The following HIVEP1 variants were observed in gnomAD, a reference collection of about 807,000 sequenced individuals.
HIVEP1 encodes the protein zinc finger protein 40.
A neutral mutation model predicts 180.0 loss-of-function variants in HIVEP1; 36 were observed. The ratio of observed to expected loss-of-function variants is 0.20; its 90% CI spans 0.15 to 0.26. HIVEP1 has a LOEUF of 0.26. Ranked by LOEUF, HIVEP1 falls within the 10% of genes least tolerant of loss-of-function variation. The pLI, the probability that HIVEP1 is intolerant of heterozygous loss-of-function variation, is 1.00. For synonymous variants in HIVEP1, 1,239 were observed against 1,239.0 expected (o/e 1.00, Z 0.00); for missense variants, 3,143 against 3,268.7 (o/e 0.96, Z 0.94).
At chr6:12,126,256 G>A (rs943721933) in intron 4 of HIVEP1, among the ~76,000 whole-genome samples, 4 of 152,172 alleles carry the variant, frequency 2.6e-5, no homozygotes, top group African/African-American at 9.6e-5. Flanking sequence ...TCCTCATGCA[G>A]GGAAACAGGT....
chr6:12,131,437 T>C (rs1284963290), intron 6 of HIVEP1, among the ~76,000 whole-genome samples: 1 of 151,806 alleles, frequency 6.6e-6, no homozygotes, highest in Admixed American at 6.6e-5. Context: ...TGCTTTTTTT[T>C]ACATAAATAC....
chr6:12,108,245 C>T (rs1338640250), intron 3 of HIVEP1, among the ~76,000 whole-genome samples: 5 of 152,156 alleles, frequency 3.3e-5, no homozygotes, highest in African/African-American at 9.7e-5. Flanking sequence ...TACAGAGTGC[C>T]GATTGGTGTA....
intron 1 of HIVEP1, among the ~76,000 whole-genome samples, chr6:12,015,226 C>G (rs964303280): frequency 1.3e-5 from 2 of 152,210 alleles, no homozygotes; most frequent in African/African-American, 4.8e-5. Flanking sequence ...TAACATAATC[C>G]TTTTGTAGCC....
intron 2 of HIVEP1, among the ~76,000 whole-genome samples, chr6:12,024,249 ATTT>A (rs201215779): frequency 3.8e-4 from 51 of 134,892 alleles, no homozygotes; most frequent in Admixed American, 5.9e-4. Flanking sequence ...ATTGATTTTG[ATTT>A]TTTTTTTTTT....
At chr6:12,020,231 C>T in intron 2 of HIVEP1, 1 of 448,510 alleles carries the variant, frequency 2.2e-6, no homozygotes, top group Non-Finnish European at 4.7e-6. Flanking sequence ...TTCTCCATGC[C>T]TGTTTCCCAT....
intron 2 of HIVEP1, among the ~76,000 whole-genome samples, chr6:12,052,712 G>C (rs9366954): frequency 0.092 from 13,982 of 152,256 alleles, 710 homozygotes; most frequent in Middle Eastern, 0.31. Flanking sequence ...TTGAGCCTCA[G>C]TTTTGTCTGA....
downstream of HIVEP1, among the ~76,000 whole-genome samples, chr6:12,168,183 TAG>T (rs1562024639): frequency 1.5e-3 from 83 of 53,780 alleles, 8 homozygotes; most frequent in Non-Finnish European, 2.4e-3. Flanking sequence ...ATATTATATA[TAG>T]ATATACGTGT....
chr6:12,189,065 C>G, the HIVEP1 span, among the ~76,000 whole-genome samples: 1 of 152,022 alleles, frequency 6.6e-6, no homozygotes, highest in Non-Finnish European at 1.5e-5. Context: ...ATTTGAATTT[C>G]ACATCACTAG....
chr6:12,156,992 C>T (rs957195178), intron 7 of HIVEP1, among the ~76,000 whole-genome samples: 13 of 151,962 alleles, frequency 8.6e-5, no homozygotes, highest in African/African-American at 2.4e-4. Flanking sequence ...TCCTTTATTT[C>T]GAAGCTCTAT....
chr6:12,039,606 G>A (rs1014060999), intron 2 of HIVEP1, among the ~76,000 whole-genome samples: 41 of 152,182 alleles, frequency 2.7e-4, no homozygotes, highest in African/African-American at 9.4e-4. Flanking sequence ...TGGTTTGTGT[G>A]TAGGAGGTTA....
Position 12,124,095 on chromosome 6 carries a change from T to C in HIVEP1, c.4300T>C (p.Ser1434Pro). Residue 1434 changes from serine to proline, a missense_variant, in exon 4 of 9, where the codon TCT becomes CCT. Ser to Pro is a moderately conservative substitution (Grantham distance 74). This residue lies in a region of HIVEP1 where 1,357 missense variants were observed against 1,260.5 expected (regional missense o/e 1.08). Transcript: ENST00000379388. ...RRRGPLVRQI[S>P]LNIAPDSHLS... ...GAGAGGCCCACTGGTACGGCAAATA[T>C]CTTTAAACATAGCCCCAGATAGTCA... 1 of 1,614,080 alleles carries C rather than the reference T, an allele frequency of 6.2e-7. No individual in the cohort carries two copies.
the HIVEP1 span, among the ~76,000 whole-genome samples, chr6:12,211,469 AT>A: frequency 1.1e-4 from 4 of 36,456 alleles, no homozygotes; most frequent in South Asian, 0.013. Context: ...TCCATCATAT[AT>A]ATATGTATAT....
At chr6:12,105,555 G>A (rs1178474234) in intron 3 of HIVEP1, among the ~76,000 whole-genome samples, 1 of 152,062 alleles carries the variant, frequency 6.6e-6, no homozygotes, top group African/African-American at 2.4e-5. Context: ...CCTGAGAGGA[G>A]GATCATCTGA....
intron 3 of HIVEP1, 87 bp from the exon 4 acceptor site, chr6:12,119,803 T>C: frequency 6.0e-6 from 5 of 832,234 alleles, no homozygotes; most frequent in Non-Finnish European, 9.4e-6. Context: ...ATAATGTCCT[T>C]ATGATAGTAA....
intron 7 of HIVEP1, among the ~76,000 whole-genome samples, chr6:12,141,605 G>GTATTCA (rs1198526609): frequency 7.0e-6 from 1 of 143,606 alleles, no homozygotes; most frequent in Non-Finnish European, 1.5e-5. Flanking sequence ...TCAGTGTGCT[G>GTATTCA]TATTCAGGAG....
chr6:12,108,342 C>A (rs1468839977), intron 3 of HIVEP1, among the ~76,000 whole-genome samples: 1 of 152,254 alleles, frequency 6.6e-6, no homozygotes, highest in Admixed American at 6.5e-5. Flanking sequence ...AGATCCTGCA[C>A]CAGGACTGCA....
chr6:12,078,262 A>G (rs1278448380), intron 2 of HIVEP1, among the ~76,000 whole-genome samples: 1 of 152,160 alleles, frequency 6.6e-6, no homozygotes, highest in Non-Finnish European at 1.5e-5. Context: ...GTCTGAAAGA[A>G]TAGTCTCGGT....
the HIVEP1 span, among the ~76,000 whole-genome samples, chr6:12,184,022 T>TAGATAGATAGATAGATAGACAGAC: frequency 3.8e-4 from 39 of 101,972 alleles, no homozygotes; most frequent in African/African-American, 1.0e-3. Flanking sequence ...GATAGATAGA[T>TAGATAGATAGATAGATAGACAGAC]AGACAGACAG....
the HIVEP1 span, among the ~76,000 whole-genome samples, chr6:12,178,985 T>C: frequency 6.6e-6 from 1 of 152,112 alleles, no homozygotes; most frequent in Non-Finnish European, 1.5e-5. Flanking sequence ...TGCAGAAAAA[T>C]TTATACAATG....
Sources: allele counts gnomAD v4.1 joint callset (sites outside exome capture counted in the v4.1 genomes callset), GRCh38; gene constraint gnomAD v4.1.1; regional missense constraint gnomAD v4.1.1; transcripts MANE v1.5; gene names NCBI Gene and HGNC (gene_info 2026-07-23, HGNC 2026-07-21).